The following CDK6 variants were observed in gnomAD, a reference collection of about 807,000 sequenced individuals.
CDK6 encodes cyclin dependent kinase 6, also known as cyclin-dependent kinase 6.
Under a neutral mutation model 37.1 loss-of-function variants are expected in CDK6, and 6 were observed. The ratio of observed to expected loss-of-function variants is 0.16; its 90% CI spans 0.09 to 0.32. The LOEUF (loss-of-function observed/expected upper bound fraction) is 0.32. Among genes scored for constraint, CDK6 ranks in the 10% least tolerant of loss-of-function variants. The pLI is 1.00. For missense variants in CDK6, 224 were observed against 418.9 expected, an observed-to-expected ratio of 0.53 and a Z score of 4.06; for synonymous variants, 160 against 161.3, an observed-to-expected ratio of 0.99 and a Z score of 0.06.
At chr7:92,792,998 A>G (rs1312291380) in intron 2 of CDK6, among the ~76,000 whole-genome samples, 2 of 152,138 alleles carry the variant, frequency 1.3e-5, no homozygotes, top group African/African-American at 4.8e-5. Context: ...AGGGAATTAA[A>G]AAAAATTCAA....
chr7:92,719,369 A>T lies in CDK6; in HGVS notation c.537+6257T>A, dbSNP rs938642568. Among the ~76,000 whole-genome samples, 33 of 151,898 alleles carry T rather than the reference A, an allele frequency of 2.2e-4. 1 individual carries two copies. The highest frequency in any genetic ancestry group is 6.6e-5 in the Admixed American group (1 of 15,244). On this transcript the variant is annotated intron_variant, in intron 4 of 7. Transcript: ENST00000424848. ...TGGGAATCTTATCAGTTACAGATTT[A>T]AAAAAAAATTTCCAAAATTAAGTTT...
chr7:92,803,238 G>A (rs761897492), intron 2 of CDK6, among the ~76,000 whole-genome samples: 2 of 152,156 alleles, frequency 1.3e-5, no homozygotes, highest in Non-Finnish European at 2.9e-5. Flanking sequence ...TAAGTCACAG[G>A]TTTTGCTTAC....
intron 3 of CDK6, among the ~76,000 whole-genome samples, chr7:92,751,980 T>C (rs1044042227): frequency 6.6e-6 from 1 of 152,176 alleles, no homozygotes; most frequent in African/African-American, 2.4e-5. Flanking sequence ...CTGACAAAGA[T>C]ATAAAAATTA....
At chr7:92,732,633 T>G (rs1317281715) in intron 3 of CDK6, among the ~76,000 whole-genome samples, 3 of 152,176 alleles carry the variant, frequency 2.0e-5, no homozygotes, top group Non-Finnish European at 2.9e-5. Flanking sequence ...TTGTCAGCCA[T>G]GAAGACCTGG....
intron 7 of CDK6, among the ~76,000 whole-genome samples, chr7:92,615,795 C>G (rs1232504241): frequency 2.0e-5 from 3 of 152,160 alleles, no homozygotes; most frequent in African/African-American, 7.2e-5. Context: ...GGTGAATGAG[C>G]TGGTGCCTGC....
At chr7:92,652,693 G>A (rs1465180595) in intron 5 of CDK6, among the ~76,000 whole-genome samples, 4 of 152,044 alleles carry the variant, frequency 2.6e-5, no homozygotes, top group African/African-American at 7.2e-5. Context: ...TCATTAACAC[G>A]GCCAGTACAA....
At chr7:92,812,313 C>G (rs1379384454) in intron 2 of CDK6, among the ~76,000 whole-genome samples, 2 of 152,138 alleles carry the variant, frequency 1.3e-5, no homozygotes, top group Admixed American at 1.3e-4. Context: ...CACATTTGAC[C>G]TCCTCTCTTA....
chr7:92,781,845 T>C (rs1448934036), intron 2 of CDK6, among the ~76,000 whole-genome samples: 1 of 152,220 alleles, frequency 6.6e-6, no homozygotes, highest in Admixed American at 6.5e-5. Context: ...TCCTCTTAAG[T>C]GCATGAAGCA....
chr7:92,829,342 G>T (rs1266220968), intron 2 of CDK6, among the ~76,000 whole-genome samples: 4 of 152,078 alleles, frequency 2.6e-5, no homozygotes, highest in Admixed American at 2.0e-4. Flanking sequence ...ATGACTTTTA[G>T]TTTCCAGAGC....
chr7:92,673,289 C>T (rs749791842), intron 4 of CDK6, among the ~76,000 whole-genome samples: 11 of 152,092 alleles, frequency 7.2e-5, no homozygotes, highest in Non-Finnish European at 1.2e-4. Context: ...ATAAAATGAC[C>T]GTTTTAAGTC....
intron 3 of CDK6, among the ~76,000 whole-genome samples, chr7:92,747,832 C>T (rs988430515): frequency 6.6e-6 from 1 of 152,158 alleles, no homozygotes; most frequent in African/African-American, 2.4e-5. Context: ...CAAGGACTTA[C>T]AGAATAAATA....
chr7:92,817,692 A>G (rs2115968039), intron 2 of CDK6, among the ~76,000 whole-genome samples: 1 of 152,004 alleles, frequency 6.6e-6, no homozygotes, highest in East Asian at 1.9e-4. Context: ...ATATATATAT[A>G]TAGGGGGGAA....
intron 6 of CDK6, among the ~76,000 whole-genome samples, chr7:92,622,133 A>G (rs1795817508): frequency 6.6e-6 from 1 of 151,230 alleles, no homozygotes; most frequent in Admixed American, 6.6e-5. Context: ...TTCCTACTCC[A>G]CTCCAATTTG....
chr7:92,664,890 A>C (rs1796920639), intron 5 of CDK6, among the ~76,000 whole-genome samples: 1 of 151,340 alleles, frequency 6.6e-6, no homozygotes, highest in Non-Finnish European at 1.5e-5. Context: ...GGTTCAAGCG[A>C]TTCTCCTGCC....
chr7:92,827,097 C>A (rs1223544878), intron 2 of CDK6, among the ~76,000 whole-genome samples: 3 of 152,118 alleles, frequency 2.0e-5, no homozygotes, highest in Non-Finnish European at 4.4e-5. Context: ...ACAATGCATA[C>A]AATCACAGAA....
At chr7:92,799,930 T>C (rs938848301) in intron 2 of CDK6, among the ~76,000 whole-genome samples, 2 of 152,156 alleles carry the variant, frequency 1.3e-5, no homozygotes, top group African/African-American at 2.4e-5. Flanking sequence ...GAGTTCATCA[T>C]TGTCCCTCCA....
chr7:92,775,628 G>T (rs1231985807), intron 2 of CDK6, among the ~76,000 whole-genome samples: 1 of 152,014 alleles, frequency 6.6e-6, no homozygotes, highest in Non-Finnish European at 1.5e-5. Context: ...TCAAGCCAAA[G>T]GACAAAATTT....
At chr7:92,687,491 G>A (rs191878095) in intron 4 of CDK6, among the ~76,000 whole-genome samples, 18 of 152,200 alleles carry the variant, frequency 1.2e-4, no homozygotes, top group Admixed American at 1.2e-3. Context: ...AAAACAAGGA[G>A]GAAAAAATCC....
At chr7:92,811,874 G>C (rs3731276) in intron 2 of CDK6, among the ~76,000 whole-genome samples, 24,090 of 152,020 alleles carry the variant, frequency 0.16, 3,358 homozygotes, top group African/African-American at 0.37. Context: ...TTAAAAGGGC[G>C]AGGCGCAGCA....
Sources: allele counts gnomAD v4.1 joint callset (sites outside exome capture counted in the v4.1 genomes callset), GRCh38; gene constraint gnomAD v4.1.1; transcripts MANE v1.5; gene names NCBI Gene and HGNC (gene_info 2026-07-23, HGNC 2026-07-21).